Variants in BCAS3 observed in about 807,000 individuals in gnomAD.
BCAS3 encodes the protein BCAS4/BCAS3 fusion.
A neutral mutation model predicts 116.1 loss-of-function variants in BCAS3; 53 were observed. That is an observed-to-expected ratio of 0.46 (90% CI 0.37 to 0.57). The LOEUF (loss-of-function observed/expected upper bound fraction) is 0.57, where lower values mean the gene tolerates loss of function less well. BCAS3 is among the 20% of genes least tolerant of loss of function. BCAS3 has a pLI of 0.00. For missense variants in BCAS3, 917 were observed against 1,165.4 expected (o/e 0.79, Z 3.10); for synonymous variants, 391 against 408.2 (o/e 0.96, Z 0.51).
At chr17:60,936,773 G>A (rs1247687415) in intron 13 of BCAS3, among the ~76,000 whole-genome samples, 1 of 152,158 alleles carries the variant, frequency 6.6e-6, no homozygotes, top group African/African-American at 2.4e-5. Context: ...TTTGTCAGAT[G>A]AGTAGATTGC....
chr17:61,170,065 G>T (rs2078748299), intron 22 of BCAS3, among the ~76,000 whole-genome samples: 1 of 151,998 alleles, frequency 6.6e-6, no homozygotes, highest in African/African-American at 2.4e-5. Context: ...ACGTTGGCCA[G>T]GCTGGTCTCG....
At chr17:61,160,397 A>G (rs1175575763) in intron 22 of BCAS3, among the ~76,000 whole-genome samples, 1 of 152,068 alleles carries the variant, frequency 6.6e-6, no homozygotes, top group African/African-American at 2.4e-5. Flanking sequence ...AATATACGGA[A>G]TTTCCGAGCA....
chr17:60,828,527 A>G (rs1369314482), intron 7 of BCAS3, among the ~76,000 whole-genome samples: 2 of 152,188 alleles, frequency 1.3e-5, no homozygotes, highest in Non-Finnish European at 2.9e-5. Flanking sequence ...AATTTGCTGT[A>G]ACTAAGGATT....
intron 14 of BCAS3, among the ~76,000 whole-genome samples, chr17:60,951,771 T>C (rs1348679312): frequency 2.1e-5 from 3 of 144,608 alleles, no homozygotes; most frequent in Admixed American, 1.4e-4. Flanking sequence ...TTTCTTTTTT[T>C]TTTTTTTTTT....
chr17:61,330,574 A>G (rs2056188012), intron 22 of BCAS3, among the ~76,000 whole-genome samples: 1 of 152,222 alleles, frequency 6.6e-6, no homozygotes, highest in South Asian at 2.1e-4. Context: ...GACTAAGTCC[A>G]TGATGAAGCT....
intron 5 of BCAS3, among the ~76,000 whole-genome samples, chr17:60,738,817 A>G (rs2041233982): frequency 6.6e-6 from 1 of 152,112 alleles, no homozygotes. Context: ...GTGCAGTGGC[A>G]TGAACATAGC....
At chr17:60,806,273 A>G (rs1040008217) in intron 6 of BCAS3, among the ~76,000 whole-genome samples, 5 of 152,190 alleles carry the variant, frequency 3.3e-5, no homozygotes, top group African/African-American at 1.2e-4. Context: ...TCATTTATAC[A>G]GATTTCTTTC....
At chr17:60,938,749 G>A (rs915342676) in intron 13 of BCAS3, among the ~76,000 whole-genome samples, 1 of 151,758 alleles carries the variant, frequency 6.6e-6, no homozygotes, top group Non-Finnish European at 1.5e-5. Context: ...TAGATAGATA[G>A]ATAGATAGAT....
intron 22 of BCAS3, among the ~76,000 whole-genome samples, chr17:61,120,610 A>G (rs1178926386): frequency 5.9e-5 from 9 of 152,280 alleles, no homozygotes; most frequent in African/African-American, 1.9e-4. Context: ...TCACCAAACT[A>G]GTTTTATATG....
At chr17:60,949,432 G>T (rs2060710824) in intron 14 of BCAS3, among the ~76,000 whole-genome samples, 1 of 151,500 alleles carries the variant, frequency 6.6e-6, no homozygotes, top group Non-Finnish European at 1.5e-5. Flanking sequence ...AATTTTTTCA[G>T]TTTATTTTCT....
Position 61,380,735 on chromosome 17 carries a change from TG to T in BCAS3, c.2594-11239del, listed in dbSNP as rs1308039823. Among the ~76,000 whole-genome samples, 1 of 152,192 alleles carries T rather than the reference TG, an allele frequency of 6.6e-6. No individual in the cohort carries two copies. Among genetic ancestry groups the T allele is most frequent in the Non-Finnish European group, 1.5e-5 (1 of 68,020 alleles). ...GGTCTCTTCTGGAAGGGGACTGGTT[TG>T]GGATGGGGAGTGGTTGTCATCCTTC... On this transcript the variant is annotated intron_variant, in intron 23 of 23. Coordinates refer to ENST00000407086, the MANE Select transcript of BCAS3 (RefSeq NM_017679.5). This position sits in a 1 kb window ranked among gnomAD's most constrained non-coding sequence, Gnocchi z 4.2.
Position 61,132,179 on chromosome 17 carries a change from A to T in BCAS3, c.2425+47615A>T, listed in dbSNP as rs2076377280. Among the ~76,000 whole-genome samples the T allele has an allele frequency of 6.6e-6, 1 of 152,204 alleles. No individual in the cohort carries two copies. Among genetic ancestry groups the T allele is most frequent in the South Asian group, 2.1e-4 (1 of 4,830 alleles). On this transcript the variant is annotated intron_variant, in intron 22 of 23. Transcript: ENST00000407086. The surrounding 1 kb of genome is among the most constrained non-coding windows in gnomAD (Gnocchi z 5.1). ...TTTCCAGTGATTTTTACTAAATTTG[A>T]TGTTAGGTACCTATAATTACCTTCC...
chr17:61,260,015 T>C (rs971163877), intron 22 of BCAS3, among the ~76,000 whole-genome samples: 2 of 152,248 alleles, frequency 1.3e-5, no homozygotes, highest in Admixed American at 1.3e-4. Context: ...TCCTTTAAGG[T>C]AGGCATTAAG....
At position 61,344,415 on chromosome 17, in the gene BCAS3, G is replaced by A. The variant is rs1220645771; in HGVS notation, c.2426-23912G>A. Among the ~76,000 whole-genome samples, 1 of 152,176 alleles carries A rather than the reference G, an allele frequency of 6.6e-6. No individual in the cohort carries two copies. The highest frequency in any genetic ancestry group is 1.5e-5 in the Non-Finnish European group (1 of 68,026). ...GACTTTCTTCCATCTGTGCACTGAT[G>A]TTAGTGTCCCGTTGTCATTTAAGTC... On this transcript the variant is annotated intron_variant, in intron 22 of 23. Transcript: ENST00000407086. The surrounding 1 kb of genome is among the most constrained non-coding windows in gnomAD (Gnocchi z 4.1).
In BCAS3 at chr17:60,990,379, A is replaced by G; in HGVS notation, c.1486+144A>G. 1.1e-6 allele frequency: 1 copy of G among 880,470 alleles called. No homozygotes were observed. Among genetic ancestry groups the G allele is most frequent in the Non-Finnish European group, 1.6e-6 (1 of 606,204 alleles). 54.5% of individuals were successfully genotyped at this position (880,470 alleles called of 1,614,324 possible). A position where few individuals can be genotyped will look rare whatever the true frequency, so the allele number is the denominator to read the frequency against. Reference sequence around the variant, plus strand: ...CTTATATGAAATTCTTAATTATTAAATAATTTAATAAATTGGAGCCAGTAT... The same window carrying G: ...CTTATATGAAATTCTTAATTATTAAGTAATTTAATAAATTGGAGCCAGTAT... On this transcript the variant is annotated intron_variant, in intron 15 of 23. Transcript: ENST00000407086. This position sits in a 1 kb window ranked among gnomAD's most constrained non-coding sequence, Gnocchi z 5.1.
intron 14 of BCAS3, among the ~76,000 whole-genome samples, chr17:60,977,837 T>C (rs1258893240): frequency 6.7e-6 from 1 of 148,592 alleles, no homozygotes; most frequent in Non-Finnish European, 1.5e-5. Context: ...GAACTCATCA[T>C]TTTTTATGGC....
At chr17:61,218,181 G>A (rs976454359) in intron 22 of BCAS3, among the ~76,000 whole-genome samples, 1 of 152,186 alleles carries the variant, frequency 6.6e-6, no homozygotes, top group African/African-American at 2.4e-5. Flanking sequence ...TGACTACACT[G>A]ACTTTCTCAG....
intron 16 of BCAS3, among the ~76,000 whole-genome samples, chr17:61,018,795 T>C (rs138678853): frequency 1.3e-4 from 20 of 152,290 alleles, no homozygotes; most frequent in African/African-American, 3.9e-4. Flanking sequence ...GACATTCTCT[T>C]ATATAACTGT....
intron 12 of BCAS3, among the ~76,000 whole-genome samples, chr17:60,914,482 TATATG>T (rs2058676173): frequency 6.6e-6 from 1 of 152,124 alleles, no homozygotes; most frequent in African/African-American, 2.4e-5. Flanking sequence ...AGGGTTATAA[TATATG>T]AAAGGAAAGG....
Sources: gnomAD v4.1 joint callset for allele counts (sites outside exome capture counted in the v4.1 genomes callset) on GRCh38, gnomAD v4.1.1 for gene constraint, Gnocchi (gnomAD v3.1) non-coding constraint, MANE v1.5 for transcripts, NCBI Gene and HGNC (gene_info 2026-07-23, HGNC 2026-07-21) for gene names.